Variants in TAF1 observed in about 807,000 individuals in gnomAD.
TAF1 encodes the protein TATA-box binding protein associated factor 1.
TAF1 carries 2 observed loss-of-function variants against 138.5 expected under a neutral mutation model. That is an observed-to-expected ratio of 0.01 (90% CI 0.01 to 0.05). The LOEUF (loss-of-function observed/expected upper bound fraction) is 0.05, where lower values mean the gene tolerates loss of function less well. TAF1 is among the 10% of genes least tolerant of loss of function. The probability of loss-of-function intolerance (pLI) is 1.00; values close to 1 mark genes in which losing one functional copy is unlikely to be tolerated. For synonymous variants in TAF1, 437 were observed against 503.2 expected (o/e 0.87, Z 1.76); for missense variants, 709 against 1,478.0 (o/e 0.48, Z 8.53).
intron 8 of TAF1, 106 bp downstream of exon 8, chrX:71,379,137 CAG>C (rs1169107584): frequency 2.4e-5 from 18 of 763,425 alleles, no homozygotes; most frequent in Middle Eastern, 4.5e-4. Context: ...TTCGGTGAGA[CAG>C]AGTTTCGCTC....
At chrX:71,451,992 T>C (rs1241996608) in intron 32 of TAF1, among the ~76,000 whole-genome samples, 6 of 111,995 alleles carry the variant, frequency 5.4e-5, no homozygotes, top group African/African-American at 1.3e-4. Context: ...AGCTGTTGGG[T>C]ACACCTCCCA....
At chrX:71,482,258 C>T (rs1035622096) in intron 13 of TAF1, among the ~76,000 whole-genome samples, 3 of 112,452 alleles carry the variant, frequency 2.7e-5, no homozygotes, top group Non-Finnish European at 5.6e-5. Flanking sequence ...AATATGGCAA[C>T]TTGCAGCTTT....
intron 32 of TAF1, among the ~76,000 whole-genome samples, chrX:71,425,443 G>C (rs1475518570): frequency 1.8e-5 from 2 of 111,132 alleles, no homozygotes; most frequent in African/African-American, 6.6e-5. Context: ...ACCAGCCTGG[G>C]CACACATAGC....
At chrX:71,398,875 T>G in intron 24 of TAF1, 138 bp downstream of exon 24, 1 of 900,632 alleles carries the variant, frequency 1.1e-6, no homozygotes, top group South Asian at 3.0e-5. Context: ...ATGTGACTAC[T>G]TGGGGGTGTT....
At chrX:71,467,399 C>T (rs1032334383), downstream of TAF1, among the ~76,000 whole-genome samples, 5 of 110,867 alleles carry the variant, frequency 4.5e-5, no homozygotes, top group African/African-American at 1.6e-4. Context: ...CATGCTACCA[C>T]TCCTGGCTTC....
At chrX:71,418,436 T>C (rs1163427514) in intron 28 of TAF1, among the ~76,000 whole-genome samples, 2 of 112,788 alleles carry the variant, frequency 1.8e-5, no homozygotes, top group Admixed American at 1.9e-4. Context: ...CTGTCTTATT[T>C]TTCCTTATAT....
intron 13 of TAF1, among the ~76,000 whole-genome samples, chrX:71,518,536 A>T (rs998375444): frequency 9.0e-6 from 1 of 111,030 alleles, no homozygotes; most frequent in African/African-American, 3.3e-5. Context: ...ATTCTGTGGG[A>T]TTCTAAATAC....
chrX:71,471,346 TACACACACAC>T (rs1189459686), intron 13 of TAF1, among the ~76,000 whole-genome samples: 3 of 95,660 alleles, frequency 3.1e-5, no homozygotes, highest in African/African-American at 7.8e-5. Flanking sequence ...TATATATATA[TACACACACAC>T]ACACACACAC....
At chrX:71,496,824 C>T (rs56198847) in intron 13 of TAF1, among the ~76,000 whole-genome samples, 1 of 110,969 alleles carries the variant, frequency 9.0e-6, no homozygotes, top group African/African-American at 3.3e-5. Flanking sequence ...TCTGTCTCTC[C>T]CCCCCAACCC....
intron 32 of TAF1, among the ~76,000 whole-genome samples, chrX:71,446,003 C>T (rs767415722): frequency 7.4e-5 from 8 of 108,362 alleles, no homozygotes; most frequent in East Asian, 2.9e-4. Context: ...CTCTGCCTCC[C>T]GGATTGAAGC....
At chrX:71,431,324 A>G (rs1395019422) in intron 32 of TAF1, among the ~76,000 whole-genome samples, 1 of 110,040 alleles carries the variant, frequency 9.1e-6, no homozygotes, top group Non-Finnish European at 1.9e-5. Flanking sequence ...CGGCTTCTCA[A>G]AGTGCTGGGA....
At chrX:71,410,316 TGAG>T (rs1215539717) in intron 28 of TAF1, among the ~76,000 whole-genome samples, 1 of 110,097 alleles carries the variant, frequency 9.1e-6, no homozygotes, top group Non-Finnish European at 1.9e-5. Context: ...TTTTTTATGA[TGAG>T]GTGATGGGTT....
At chrX:71,404,516 T>A (rs1472998759) in intron 25 of TAF1, among the ~76,000 whole-genome samples, 3 of 110,605 alleles carry the variant, frequency 2.7e-5, no homozygotes, top group Non-Finnish European at 5.7e-5. Context: ...TTTGTATTTT[T>A]AGTAGAGACA....
intron 13 of TAF1, among the ~76,000 whole-genome samples, chrX:71,503,326 G>GTATATATATATATATA (rs1181780907): frequency 1.1e-5 from 1 of 92,657 alleles, no homozygotes; most frequent in African/African-American, 4.5e-5. Context: ...ATATATGTGT[G>GTATATATATATATATA]TGTATATATA....
downstream of TAF1, among the ~76,000 whole-genome samples, chrX:71,468,546 C>T (rs1012338910): frequency 3.0e-4 from 32 of 107,859 alleles, no homozygotes; most frequent in African/African-American, 1.0e-3. Context: ...ATTAGCTGGG[C>T]GTGGTGGCAG....
chrX:71,527,063 A>T (rs1437266741), intron 13 of TAF1, among the ~76,000 whole-genome samples: 1 of 109,047 alleles, frequency 9.2e-6, no homozygotes, highest in Non-Finnish European at 1.9e-5. Flanking sequence ...ACCCTGTCTC[A>T]AAAATAAAGA....
At chrX:71,437,760 CT>C (rs1442006585) in intron 32 of TAF1, among the ~76,000 whole-genome samples, 1 of 108,581 alleles carries the variant, frequency 9.2e-6, no homozygotes, top group Admixed American at 9.9e-5. Context: ...TTGCTGCCAT[CT>C]TGTCTCTTTC....
chrX:71,520,304 C>T (rs150955798), intron 13 of TAF1, among the ~76,000 whole-genome samples: 1,095 of 108,137 alleles, frequency 0.01, 13 homozygotes, highest in African/African-American at 0.035. Context: ...CCACCATGCC[C>T]GGCTAATTTT....
At chrX:71,393,159 G>T in intron 20 of TAF1, 142 bp from the exon 21 acceptor site, 1 of 1,057,499 alleles carries the variant, frequency 9.5e-7, no homozygotes, top group South Asian at 2.3e-5. Flanking sequence ...AATCTGCTTT[G>T]GGGTGATTTT....
Sources: allele counts gnomAD v4.1 joint callset (sites outside exome capture counted in the v4.1 genomes callset), GRCh38; gene constraint gnomAD v4.1.1; transcripts MANE v1.5; gene names NCBI Gene and HGNC (gene_info 2026-07-23, HGNC 2026-07-21).